COL9A1: variants seen among roughly 807,000 people sequenced by gnomAD.
The protein encoded by COL9A1 is collagen type IX alpha 1 chain.
COL9A1 carries 104 observed loss-of-function variants against 142.6 expected under a neutral mutation model. That is an observed-to-expected ratio of 0.73 (90% CI 0.62 to 0.86). COL9A1 has a LOEUF of 0.86. Ranked by LOEUF, COL9A1 falls within the 40% of genes least tolerant of loss-of-function variation. The probability of loss-of-function intolerance (pLI) is 0.00; values close to 1 mark genes in which losing one functional copy is unlikely to be tolerated. For missense variants in COL9A1, 1,210 were observed against 1,176.6 expected, an observed-to-expected ratio of 1.03 and a Z score of -0.42; for synonymous variants, 466 against 396.0, an observed-to-expected ratio of 1.18 and a Z score of -2.10.
Position 70,232,790 on chromosome 6 carries a change from A to C in COL9A1, c.2315-19T>G. 1 of 1,597,936 alleles carries C rather than the reference A, an allele frequency of 6.3e-7. No individual in the cohort carries two copies. The highest frequency in any genetic ancestry group is 8.5e-7 in the Non-Finnish European group (1 of 1,170,840). ...AAATGTTCTAAAAGAGAATAAACAA[A>C]ACAACCCAGAAGTGTCAGAAACATA... On this transcript the variant is annotated intron_variant, in intron 35 of 37. Transcript: ENST00000357250.
At chr6:70,297,857 CAA>C (rs368634092) in intron 4 of COL9A1, among the ~76,000 whole-genome samples, 1 of 146,472 alleles carries the variant, frequency 6.8e-6, no homozygotes, top group African/African-American at 2.5e-5. Context: ...TAAAAAACAG[CAA>C]AAAAAAAGTA....
intron 4 of COL9A1, among the ~76,000 whole-genome samples, chr6:70,296,596 G>C (rs1327045751): frequency 3.9e-5 from 6 of 151,926 alleles, no homozygotes; most frequent in Non-Finnish European, 8.8e-5. Flanking sequence ...ATAACCTCTA[G>C]AAGAGAAGCT....
chr6:70,255,542 T>C, intron 21 of COL9A1, 152 bp from the exon 22 acceptor site: 1 of 702,686 alleles, frequency 1.4e-6, no homozygotes, highest in Non-Finnish European at 2.5e-6. Flanking sequence ...GAAGTCTTTT[T>C]ATAAAAACGG....
intron 5 of COL9A1, among the ~76,000 whole-genome samples, chr6:70,285,008 C>A (rs1472703368): frequency 1.3e-5 from 2 of 152,306 alleles, no homozygotes; most frequent in East Asian, 1.9e-4. Context: ...TTCCTTCCTA[C>A]CCACAGAGGA....
At chr6:70,255,277 G>A (rs1237436711) in intron 22 of COL9A1, 60 bp downstream of exon 22, 3 of 1,608,586 alleles carry the variant, frequency 1.9e-6, no homozygotes, top group Non-Finnish European at 2.6e-6. Context: ...AAAGAGATCA[G>A]CATAATCAGC....
intron 24 of COL9A1, 153 bp from the exon 25 acceptor site, chr6:70,254,682 G>GAGTA: frequency 1.7e-6 from 1 of 587,206 alleles, no homozygotes; most frequent in East Asian, 3.5e-5. Context: ...TAGGGTGGGG[G>GAGTA]AGTAGGGTGG....
intron 10 of COL9A1, among the ~76,000 whole-genome samples, chr6:70,277,536 C>A (rs1312196924): frequency 6.6e-6 from 1 of 152,168 alleles, no homozygotes; most frequent in East Asian, 1.9e-4. Context: ...TTCATACAGA[C>A]AAACTTCTAT....
chr6:70,290,557 T>C (rs952033844), intron 5 of COL9A1, among the ~76,000 whole-genome samples: 2 of 152,088 alleles, frequency 1.3e-5, no homozygotes, highest in African/African-American at 4.8e-5. Context: ...ATTGGCTTCC[T>C]TTTTCAACTT....
chr6:70,280,287 C>CA lies in COL9A1; in HGVS notation c.975+524dup, dbSNP rs1341136889. ...AATTTCTAAATTCCCCGCACATCCCCACTCACTTCAAGTGCATCTTTCTTT... is the reference window on the plus strand; with the variant it reads ...AATTTCTAAATTCCCCGCACATCCCCAACTCACTTCAAGTGCATCTTTCTTT... On this transcript the variant is annotated intron_variant, in intron 10 of 37. Transcript: ENST00000357250. The CA allele has an allele frequency of 9.7e-6, 12 of 1,238,342 alleles. No homozygotes were observed. The Admixed American group carries it at 1.9e-4, about 19-fold the overall frequency. 76.7% of individuals were successfully genotyped at this position (1,238,342 alleles called of 1,614,324 possible). A position where few individuals can be genotyped will look rare whatever the true frequency, so the allele number is the denominator to read the frequency against.
In COL9A1 at chr6:70,242,591, T is replaced by C. The variant is rs1770333462; in HGVS notation, c.1926+71A>G. 5 of 1,314,120 alleles carry C rather than the reference T, an allele frequency of 3.8e-6. No homozygotes were observed. The Admixed American group carries it at 6.7e-5, about 18-fold the overall frequency. The allele number at this position is 1,314,120 out of a possible 1,614,324, so 81.4% of individuals were successfully genotyped here. On this transcript the variant is annotated intron_variant, in intron 29 of 37. Transcript: ENST00000357250. The stretch of plus-strand genomic sequence containing the variant: ...CAGGTAATTCAATTGTAAATTGTTT[T>C]CTCCTCTTGCTTATTTTTAAAAATG...
At chr6:70,232,895 A>C (rs2127557864) in intron 35 of COL9A1, 124 bp from the exon 36 acceptor site, 2 of 985,128 alleles carry the variant, frequency 2.0e-6, no homozygotes, top group East Asian at 5.2e-5. Context: ...AATTGGTAGT[A>C]AGAAATGAAT....
intron 35 of COL9A1, among the ~76,000 whole-genome samples, chr6:70,233,720 T>A (rs1298854098): frequency 6.6e-6 from 1 of 152,224 alleles, no homozygotes; most frequent in Non-Finnish European, 1.5e-5. Flanking sequence ...AAGAGGCCTA[T>A]ATTGCTTTTC....
In COL9A1 at chr6:70,264,407, C is replaced by T. The variant is rs9446216; in HGVS notation, c.1342-1110G>A. On this transcript the variant is annotated intron_variant, in intron 18 of 37. Coordinates refer to ENST00000357250, the MANE Select transcript of COL9A1 (RefSeq NM_001851.6). The stretch of plus-strand genomic sequence containing the variant: ...TGAGAGTCATACATATTGGTTTTAG[C>T]CTCATAATTATATTCAGATTATATT... Among the ~76,000 whole-genome samples the T allele has an allele frequency of 7.5e-3, 1,133 of 151,960 alleles. 13 individuals are homozygous for T. The highest frequency in any genetic ancestry group is 0.025 in the African/African-American group (1,049 of 41,482).
chr6:70,242,847 C>T (rs1443965088), intron 28 of COL9A1, 132 bp from the exon 29 acceptor site: 5 of 765,634 alleles, frequency 6.5e-6, no homozygotes, highest in Admixed American at 1.9e-5. Flanking sequence ...TACATAGTGC[C>T]TACAGCATCC....
chr6:70,225,196 T>C (rs1459596632), intron 37 of COL9A1, among the ~76,000 whole-genome samples: 1 of 152,176 alleles, frequency 6.6e-6, no homozygotes, highest in Non-Finnish European at 1.5e-5. Flanking sequence ...GCATCATTCA[T>C]GCCCTTAAAC....
intron 10 of COL9A1, chr6:70,280,318 A>G (rs1562323359): frequency 2.5e-6 from 3 of 1,202,638 alleles, no homozygotes; most frequent in East Asian, 7.3e-5. Flanking sequence ...TCTTTTTCAC[A>G]TTCCTTGGGA....
chr6:70,272,029 A>T, intron 13 of COL9A1, 36 bp downstream of exon 13: 1 of 1,594,738 alleles, frequency 6.3e-7, no homozygotes, highest in Non-Finnish European at 8.6e-7. Context: ...ACATTTTTAT[A>T]GACTGCATAA....
chr6:70,240,491 C>A (rs1770176791), intron 32 of COL9A1, among the ~76,000 whole-genome samples, 198 bp downstream of exon 32: 1 of 151,882 alleles, frequency 6.6e-6, no homozygotes, highest in East Asian at 1.9e-4. Flanking sequence ...ATCTTGGCTG[C>A]AATCTTGGGA....
intron 7 of COL9A1, among the ~76,000 whole-genome samples, chr6:70,281,884 C>T (rs1773187988): frequency 6.6e-6 from 1 of 152,140 alleles, no homozygotes; most frequent in South Asian, 2.1e-4. Context: ...CAGCCAAGAA[C>T]AGAGACTCCA....
Sources: allele counts gnomAD v4.1 joint callset (sites outside exome capture counted in the v4.1 genomes callset), GRCh38; gene constraint gnomAD v4.1.1; transcripts MANE v1.5; gene names NCBI Gene and HGNC (gene_info 2026-07-23, HGNC 2026-07-21).